GPC4: variants seen among roughly 807,000 people sequenced by gnomAD.
GPC4 encodes glypican 4, also known as glypican-4.
Under a neutral mutation model 35.0 loss-of-function variants are expected in GPC4, and 10 were observed. The ratio of observed to expected loss-of-function variants is 0.29; its 90% CI spans 0.18 to 0.48. The LOEUF is 0.48. GPC4 is among the 20% of genes least tolerant of loss of function. GPC4 has a pLI of 0.99. For missense variants in GPC4, 322 were observed against 451.3 expected (o/e 0.71, Z 2.60); for synonymous variants, 167 against 170.2 (o/e 0.98, Z 0.15).
chrX:133,391,232 C>T (rs1224508141), intron 1 of GPC4, among the ~76,000 whole-genome samples: 1 of 111,928 alleles, frequency 8.9e-6, no homozygotes, highest in African/African-American at 3.2e-5. Context: ...CCCTAAAAGG[C>T]CATGCAACAA....
chrX:133,312,756 C>T (rs1177488992), intron 3 of GPC4, among the ~76,000 whole-genome samples: 2 of 110,976 alleles, frequency 1.8e-5, no homozygotes, highest in African/African-American at 6.6e-5. Flanking sequence ...GGGGCTATGA[C>T]TGGAAGTTTG....
intron 1 of GPC4, among the ~76,000 whole-genome samples, chrX:133,354,567 TA>T (rs202005292): frequency 9.5e-4 from 91 of 95,786 alleles, no homozygotes; most frequent in East Asian, 7.6e-3. Flanking sequence ...TTTATTTATT[TA>T]TTTTTTTTTT....
chrX:133,414,855 G>A lies in GPC4; in HGVS notation c.111C>T (p.Tyr37=). Residue 37 remains tyrosine, a synonymous_variant, in exon 1 of 9, where the codon TAC becomes TAT. Transcript: ENST00000370828. The stretch of plus-strand genomic sequence containing the variant: ...CGTTCTTGTTGAAGCCTTTGGACAC[G>A]TAAAGACGTCGCACTTCCGAGCAAC... The part of the protein sequence containing the change: ...SKSCSEVRRL[Y]VSKGFNKNDA... 4 of 1,211,900 alleles carry A rather than the reference G, an allele frequency of 3.3e-6. No individual in the cohort carries two copies. The highest frequency in any genetic ancestry group is 4.5e-6 in the Non-Finnish European group (4 of 895,452).
At chrX:133,310,209 C>T (rs957815432) in intron 4 of GPC4, among the ~76,000 whole-genome samples, 6 of 111,451 alleles carry the variant, frequency 5.4e-5, no homozygotes, top group African/African-American at 2.0e-4. Flanking sequence ...ATACTGCATA[C>T]ATGTTCCCAT....
intron 1 of GPC4, among the ~76,000 whole-genome samples, chrX:133,377,786 C>G (rs1414811942): frequency 9.1e-6 from 1 of 110,061 alleles, no homozygotes; most frequent in Admixed American, 9.7e-5. Flanking sequence ...CAGTGAGGCT[C>G]TAGAGACTAC....
intron 3 of GPC4, among the ~76,000 whole-genome samples, chrX:133,321,595 C>T (rs2068364899): frequency 8.9e-6 from 1 of 112,479 alleles, no homozygotes; most frequent in Non-Finnish European, 1.9e-5. Context: ...ACAGCAGTGT[C>T]TTTCTGCCCT....
chrX:133,328,045 A>C (rs1375161235), intron 2 of GPC4, among the ~76,000 whole-genome samples: 1 of 111,006 alleles, frequency 9.0e-6, no homozygotes, highest in Non-Finnish European at 1.9e-5. Context: ...ATTTCTGGTA[A>C]GACAAATTTC....
intron 3 of GPC4, among the ~76,000 whole-genome samples, chrX:133,312,804 A>C (rs946424341): frequency 5.4e-5 from 6 of 111,386 alleles, no homozygotes; most frequent in Admixed American, 1.9e-4. Context: ...ACATTACCCA[A>C]GTCAGATTGG....
At chrX:133,372,313 C>T (rs1005906189) in intron 1 of GPC4, among the ~76,000 whole-genome samples, 1 of 109,091 alleles carries the variant, frequency 9.2e-6, no homozygotes, top group Admixed American at 9.8e-5. Flanking sequence ...TGCAAGGAGC[C>T]CCCAAGGATA....
intron 2 of GPC4, among the ~76,000 whole-genome samples, chrX:133,332,140 A>AT (rs1251632370): frequency 8.9e-6 from 1 of 111,751 alleles, no homozygotes; most frequent in African/African-American, 3.3e-5. Flanking sequence ...CAGTTTCCAT[A>AT]TTTTTCATAA....
chrX:133,379,823 G>A (rs993666348), intron 1 of GPC4, among the ~76,000 whole-genome samples: 2 of 111,396 alleles, frequency 1.8e-5, no homozygotes, highest in Admixed American at 1.9e-4. Context: ...CACTGCCCTC[G>A]CTCTCTAGGC....
At chrX:133,341,440 C>A (rs1187931242) in intron 1 of GPC4, among the ~76,000 whole-genome samples, 1 of 111,703 alleles carries the variant, frequency 9.0e-6, no homozygotes, top group African/African-American at 3.2e-5. Context: ...TTAAAGATTG[C>A]TATAAGCTAA....
At chrX:133,320,057 T>C (rs1030064588) in intron 3 of GPC4, among the ~76,000 whole-genome samples, 26 of 111,859 alleles carry the variant, frequency 2.3e-4, no homozygotes, top group African/African-American at 8.4e-4. Context: ...TTCAAGTCAG[T>C]CCTTAAATTT....
rs1361564613 is a variant in GPC4 at position 133,324,356 on chromosome X, C to T, written c.500G>A (p.Arg167His). The change falls in exon 3 of 9, where the codon CGC becomes CAC. Residue 167 changes from arginine to histidine, a missense_variant. Physicochemically the swap from Arg to His is conservative, Grantham distance 29. Around this residue, in one of 3 missense-constraint regions of GPC4, gnomAD observed 163 missense variants for 277.2 expected, o/e 0.59. Coordinates refer to ENST00000370828, the MANE Select transcript of GPC4 (RefSeq NM_001448.3). ...CAGGCGGAACATCCGCTCCAGGAGGCGAGCCCAGAAGTCATTTAGCATTTC... is the reference window on the plus strand; with the variant it reads ...CAGGCGGAACATCCGCTCCAGGAGGTGAGCCCAGAAGTCATTTAGCATTTC... ...LEEMLNDFWA[R>H]LLERMFRLVN... The T allele has an allele frequency of 5.0e-6, 6 of 1,209,369 alleles. No individual in the cohort carries two copies. In the Admixed American group the frequency reaches 6.6e-5, roughly 13 times the overall value.
At chrX:133,387,713 G>A (rs1034965808) in intron 1 of GPC4, among the ~76,000 whole-genome samples, 4 of 111,711 alleles carry the variant, frequency 3.6e-5, no homozygotes, top group Non-Finnish European at 7.5e-5. Context: ...TCCTGTAAAT[G>A]AGCGCTAGAT....
chrX:133,321,738 T>C (rs1179681153), intron 3 of GPC4, among the ~76,000 whole-genome samples: 1 of 111,995 alleles, frequency 8.9e-6, no homozygotes. Context: ...CCAAGATTAA[T>C]AATGGTTGCT....
intron 1 of GPC4, among the ~76,000 whole-genome samples, chrX:133,408,017 T>A (rs2068797168): frequency 8.9e-6 from 1 of 112,633 alleles, no homozygotes; most frequent in African/African-American, 3.2e-5. Context: ...AAAAGTTGAA[T>A]ACCTGGCTGA....
chrX:133,389,085 TA>T (rs2068707260), intron 1 of GPC4, among the ~76,000 whole-genome samples: 1 of 106,105 alleles, frequency 9.4e-6, no homozygotes, highest in Non-Finnish European at 1.9e-5. Context: ...GCCTCCTGAA[TA>T]CCTGGAACTA....
Position 133,342,032 on chromosome X carries a change from ATTTT to A in GPC4, c.161-2695_161-2692del, listed in dbSNP as rs975355748. Among the ~76,000 whole-genome samples the A allele has an allele frequency of 3.1e-3, 223 of 72,873 alleles. 2 individuals are homozygous for A. The highest frequency in any genetic ancestry group is 0.011 in the African/African-American group (211 of 19,290). The allele number at this position is 72,873 out of a possible 115,157, so 63.3% of individuals were successfully genotyped here. A position where few individuals can be genotyped will look rare whatever the true frequency, so the allele number is the denominator to read the frequency against. On this transcript the variant is annotated intron_variant, in intron 1 of 8. Coordinates refer to ENST00000370828, the MANE Select transcript of GPC4 (RefSeq NM_001448.3). ...TGGGGCACGTCTTTGTTTTGGCACTATTTTTTTTTTTTTTTTTTTTTTGAGACAG... is the reference window on the plus strand; with the variant it reads ...TGGGGCACGTCTTTGTTTTGGCACTATTTTTTTTTTTTTTTTTTGAGACAG...
Sources: gnomAD v4.1 joint callset for allele counts (sites outside exome capture counted in the v4.1 genomes callset) on GRCh38, gnomAD v4.1.1 for gene constraint, gnomAD v4.1.1 regional missense constraint, MANE v1.5 for transcripts, NCBI Gene and HGNC (gene_info 2026-07-23, HGNC 2026-07-21) for gene names.